Variants in PCNT observed in about 807,000 individuals in gnomAD.
PCNT encodes kendrin.
In PCNT, 319 loss-of-function variants were observed where a neutral mutation model predicts 380.4. The ratio of observed to expected loss-of-function variants is 0.84; its 90% CI spans 0.77 to 0.92. The LOEUF (loss-of-function observed/expected upper bound fraction) is 0.92, where lower values mean the gene tolerates loss of function less well. PCNT is among the 40% of genes least tolerant of loss of function. The pLI, the probability that PCNT is intolerant of heterozygous loss-of-function variation, is 0.00. For synonymous variants in PCNT, 1,845 were observed against 1,735.2 expected, an observed-to-expected ratio of 1.06 and a Z score of -1.57; for missense variants, 4,400 against 4,255.3, an observed-to-expected ratio of 1.03 and a Z score of -0.95.
At chr21:46,418,853 C>T (rs1008159506) in intron 31 of PCNT, among the ~76,000 whole-genome samples, 25 of 152,224 alleles carry the variant, frequency 1.6e-4, no homozygotes, top group Middle Eastern at 3.2e-3. Context: ...TGGGGGGCTG[C>T]GTCTCCCCGG....
At position 46,418,208 on chromosome 21, in the gene PCNT, AAG is replaced by A; in HGVS notation, c.6928_6929del (p.Asp2310CysfsTer10). 1 of 1,570,822 alleles carries A rather than the reference AAG, an allele frequency of 6.4e-7. No homozygotes were observed. Among genetic ancestry groups the A allele is most frequent in the South Asian group, 1.1e-5 (1 of 90,182 alleles). Reference sequence around the variant, plus strand: ...CATTTAAAAATCTCTTAACAGGAGAAAGATGTCGAAGATTTTATCACAACATC... The same window carrying A: ...CATTTAAAAATCTCTTAACAGGAGAAATGTCGAAGATTTTATCACAACATC... On this transcript the variant is annotated frameshift_variant, in exon 31 of 47. Coordinates refer to ENST00000359568, the MANE Select transcript of PCNT (RefSeq NM_006031.6). LOFTEE classifies it high-confidence loss of function.
At chr21:46,436,677 C>G (rs1729618293) in intron 39 of PCNT, among the ~76,000 whole-genome samples, 1 of 152,176 alleles carries the variant, frequency 6.6e-6, no homozygotes, top group African/African-American at 2.4e-5. Context: ...CAAAGTTTCA[C>G]TTAGGACAGC....
chr21:46,378,317 G>A (rs559794863), intron 15 of PCNT, among the ~76,000 whole-genome samples: 1 of 152,204 alleles, frequency 6.6e-6, no homozygotes, highest in Admixed American at 6.5e-5. Flanking sequence ...GAATTGCTCC[G>A]TCATCAACTT....
chr21:46,402,519 A>G, intron 27 of PCNT, 36 bp downstream of exon 27: 1 of 1,611,210 alleles, frequency 6.2e-7, no homozygotes, highest in Non-Finnish European at 8.5e-7. Flanking sequence ...GCCCGAGTTC[A>G]TGTTGCTTAT....
chr21:46,441,230 A>T lies in PCNT; in HGVS notation c.9623+146A>T, dbSNP rs1182865755. 1.3e-5 allele frequency: 9 copies of T among 689,254 alleles called. 1 individual carries two copies. Among genetic ancestry groups the T allele is most frequent in the Non-Finnish European group, 2.1e-5 (8 of 377,918 alleles). 42.7% of individuals were successfully genotyped at this position (689,254 alleles called of 1,614,324 possible). ...GAATGGCATTTGAGGCCTTAGAGAA[A>T]ATACAGATGATGAACTTGTCTTCAA... On this transcript the variant is annotated intron_variant, in intron 43 of 46. Coordinates refer to ENST00000359568, the MANE Select transcript of PCNT (RefSeq NM_006031.6).
chr21:46,396,877 A>G (rs2086227259), intron 21 of PCNT, among the ~76,000 whole-genome samples: 2 of 152,202 alleles, frequency 1.3e-5, no homozygotes, highest in South Asian at 4.1e-4. Flanking sequence ...TGCTGGGATT[A>G]CAGGTGTGAA....
intron 2 of PCNT, among the ~76,000 whole-genome samples, chr21:46,329,661 C>G (rs989976831): frequency 2.0e-5 from 3 of 152,214 alleles, no homozygotes; most frequent in African/African-American, 7.2e-5. Context: ...ACTTCACCCT[C>G]AAGCGTGGGG....
At chr21:46,363,985 G>A in intron 14 of PCNT, 51 bp downstream of exon 14, 1 of 1,539,524 alleles carries the variant, frequency 6.5e-7, no homozygotes, top group Non-Finnish European at 8.9e-7. Flanking sequence ...AGACACCTTG[G>A]AGGGTAGAAG....
At chr21:46,374,957 C>T (rs902183181) in intron 15 of PCNT, among the ~76,000 whole-genome samples, 3 of 152,006 alleles carry the variant, frequency 2.0e-5, no homozygotes, top group Non-Finnish European at 4.4e-5. Flanking sequence ...TTCCCCGCGG[C>T]GATGCTTTAT....
chr21:46,427,944 C>T (rs927008281), intron 34 of PCNT, 149 bp downstream of exon 34: 30 of 833,840 alleles, frequency 3.6e-5, no homozygotes, highest in African/African-American at 1.0e-4. Flanking sequence ...CAGGTGTTGA[C>T]GCTCAGTCCA....
intron 13 of PCNT, among the ~76,000 whole-genome samples, chr21:46,362,529 C>T (rs1011404271): frequency 3.3e-5 from 5 of 152,176 alleles, no homozygotes; most frequent in Non-Finnish European, 2.9e-5. Context: ...GCACCCTAAA[C>T]TTTAATAACT....
chr21:46,325,158 G>A, intron 1 of PCNT: 1 of 985,778 alleles, frequency 1.0e-6, no homozygotes, highest in Non-Finnish European at 1.2e-6. Flanking sequence ...GCAGGAGAAA[G>A]GGAGTCCCGA....
At chr21:46,347,218 T>C (rs1156885531) in intron 5 of PCNT, among the ~76,000 whole-genome samples, 2 of 152,184 alleles carry the variant, frequency 1.3e-5, no homozygotes, top group African/African-American at 4.8e-5. Context: ...CCAGGTGGTC[T>C]GTGATAGGTG....
chr21:46,435,939 T>A lies in PCNT; in HGVS notation c.8787T>A (p.His2929Gln). The change falls in exon 39 of 47, where the codon CAT (histidine) becomes CAA (glutamine). Residue 2929 changes from histidine to glutamine, a missense_variant. By Grantham distance (24) the His-to-Gln change is conservative. Coordinates refer to ENST00000359568, the MANE Select transcript of PCNT (RefSeq NM_006031.6). ...AACTGCAGCGTCAGCGTGACTTGCA[T>A]AAGATCAAGCAGCTTCAGCAGACAG... is the stretch of plus-strand genomic sequence containing the variant. ...ELELQRQRDL[H>Q]KIKQLQQTVR... 1 of 1,614,138 alleles carries A rather than the reference T, an allele frequency of 6.2e-7. No homozygotes were observed. The highest frequency in any genetic ancestry group is 1.7e-5 in the Admixed American group (1 of 60,032).
At chr21:46,352,796 G>A (rs1209414068) in intron 9 of PCNT, among the ~76,000 whole-genome samples, 1 of 152,144 alleles carries the variant, frequency 6.6e-6, no homozygotes, top group East Asian at 1.9e-4. Context: ...AGGTTGGTCT[G>A]GATCCAGTTT....
Position 46,437,098 on chromosome 21 carries a change from C to G in PCNT, c.9099+17C>G. 2 of 1,584,806 alleles carry G rather than the reference C, an allele frequency of 1.3e-6. No individual in the cohort carries two copies. Among genetic ancestry groups the G allele is most frequent in the African/African-American group, 1.3e-5 (1 of 74,450 alleles). ...TCCTCCCAGGTAAGGGGTGAGCGCC[C>G]CCAGGTCCCTGGCCTGGCTCCTCCC... is the stretch of plus-strand genomic sequence containing the variant. On this transcript the variant is annotated intron_variant, in intron 40 of 46. Transcript: ENST00000359568.
chr21:46,416,508 T>C lies in PCNT; in HGVS notation c.6590T>C (p.Leu2197Pro), dbSNP rs369420036. The C allele has an allele frequency of 3.1e-6, 5 of 1,613,678 alleles. No homozygotes were observed. Among genetic ancestry groups the C allele is most frequent in the South Asian group, 1.1e-5 (1 of 91,094 alleles). ...TCTCTTTCTTCACCGACCAGCGTAC[T>C]TGGTGGCTCCCGCCACCAGAGCCAC... The part of the protein sequence containing the change: ...DMSLSSPTSV[L>P]GGSRHQSHTA... The change falls in exon 30 of 47, where the codon CTT (leucine) becomes CCT (proline). Residue 2197 changes from leucine to proline, a missense_variant. Physicochemically the swap from Leu to Pro is moderately conservative, Grantham distance 98. Transcript: ENST00000359568.
At chr21:46,345,774 G>A (rs1258183287) in intron 3 of PCNT, among the ~76,000 whole-genome samples, 1 of 152,178 alleles carries the variant, frequency 6.6e-6, no homozygotes, top group African/African-American at 2.4e-5. Context: ...CCTCCAGGCT[G>A]CTCCATGTCT....
Position 46,346,170 on chromosome 21 carries a change from A to G in PCNT, c.682A>G (p.Ser228Gly). Reference sequence around the variant, plus strand: ...TGAACTTGCCATTACTGACCTGGAGAGCGGCCGTGAAGATGAGGCTGGCCT... The same window carrying G: ...TGAACTTGCCATTACTGACCTGGAGGGCGGCCGTGAAGATGAGGCTGGCCT... ...ECELAITDLE[S>G]GREDEAGLHQ... is the part of the protein sequence containing the mutation. The change falls in exon 4 of 47, where the codon AGC (serine) becomes GGC (glycine). Residue 228 changes from serine (S) to glycine (G), a missense_variant. Coordinates refer to ENST00000359568, the MANE Select transcript of PCNT (RefSeq NM_006031.6). 6.2e-7 allele frequency: 1 copy of G among 1,613,022 alleles called. No homozygotes were observed. Among genetic ancestry groups the G allele is most frequent in the Non-Finnish European group, 8.5e-7 (1 of 1,179,572 alleles).
Sources: allele counts gnomAD v4.1 joint callset (sites outside exome capture counted in the v4.1 genomes callset), GRCh38; gene constraint gnomAD v4.1.1; transcripts MANE v1.5; gene names NCBI Gene and HGNC (gene_info 2026-07-23, HGNC 2026-07-21).